CADM2: variants seen among roughly 807,000 people sequenced by gnomAD.
CADM2 encodes the protein cell adhesion molecule 2.
A neutral mutation model predicts 49.8 loss-of-function variants in CADM2; 12 were observed. The ratio of observed to expected loss-of-function variants is 0.24; its 90% CI spans 0.15 to 0.39. The LOEUF (loss-of-function observed/expected upper bound fraction) is 0.39. CADM2 is among the 10% of genes least tolerant of loss of function. The pLI is 1.00. For synonymous variants in CADM2, 214 were observed against 175.4 expected, an observed-to-expected ratio of 1.22 and a Z score of -1.74; for missense variants, 378 against 492.3, an observed-to-expected ratio of 0.77 and a Z score of 2.20.
At chr3:85,108,351 G>A (rs2038325189) in intron 1 of CADM2, among the ~76,000 whole-genome samples, 1 of 152,202 alleles carries the variant, frequency 6.6e-6, no homozygotes, top group Non-Finnish European at 1.5e-5. Flanking sequence ...TGCATATAAT[G>A]TAATGTTAGC....
intron 2 of CADM2, among the ~76,000 whole-genome samples, chr3:85,795,052 C>A (rs188065747): frequency 1.3e-3 from 201 of 152,114 alleles, no homozygotes; most frequent in African/African-American, 4.5e-3. Flanking sequence ...TTCCATCAAG[C>A]TAATTAGCAT....
chr3:85,848,227 A>G (rs1326200101), intron 3 of CADM2, among the ~76,000 whole-genome samples: 1 of 152,142 alleles, frequency 6.6e-6, no homozygotes, highest in African/African-American at 2.4e-5. Context: ...AACTTAAAAA[A>G]TGTATATTTT....
intron 5 of CADM2, among the ~76,000 whole-genome samples, chr3:85,908,078 G>C (rs926972143): frequency 6.6e-6 from 1 of 151,910 alleles, no homozygotes; most frequent in Non-Finnish European, 1.5e-5. Flanking sequence ...CACTTAAGAG[G>C]ATTTTCTTTT....
chr3:85,841,844 A>C (rs1355324491), intron 3 of CADM2, among the ~76,000 whole-genome samples: 1 of 151,994 alleles, frequency 6.6e-6, no homozygotes, highest in East Asian at 1.9e-4. Context: ...TCTGTGACTG[A>C]ATTTCAAATG....
intron 1 of CADM2, among the ~76,000 whole-genome samples, chr3:85,179,244 T>C (rs2040862871): frequency 6.6e-6 from 1 of 152,022 alleles, no homozygotes; most frequent in Non-Finnish European, 1.5e-5. Context: ...GTGAATAAGA[T>C]GATTAATATC....
At chr3:85,347,273 C>T (rs2030780686) in intron 1 of CADM2, among the ~76,000 whole-genome samples, 1 of 122,422 alleles carries the variant, frequency 8.2e-6, no homozygotes, top group Non-Finnish European at 1.7e-5. Context: ...GCAAATTATA[C>T]TTAATAGCAA....
chr3:85,446,991 CATATATATATATATATATATATATATAT>C (rs141177883), intron 1 of CADM2, among the ~76,000 whole-genome samples: 39 of 54,564 alleles, frequency 7.1e-4, no homozygotes, highest in Middle Eastern at 0.015. Flanking sequence ...ATATGTATTG[CATATATATATATATATATATATATATAT>C]ATATATATAT....
intron 1 of CADM2, among the ~76,000 whole-genome samples, chr3:85,721,105 GCA>G (rs1440571444): frequency 6.6e-6 from 1 of 152,118 alleles, no homozygotes; most frequent in African/African-American, 2.4e-5. Context: ...CTTCTCTGAA[GCA>G]CAGTTTTGTT....
intron 8 of CADM2, chr3:85,979,201 C>CT: frequency 6.2e-7 from 1 of 1,610,948 alleles, no homozygotes; most frequent in South Asian, 1.1e-5. Flanking sequence ...CTATCATCCC[C>CT]TCCCTTACCA....
At chr3:85,093,239 G>A (rs1303127173) in intron 1 of CADM2, among the ~76,000 whole-genome samples, 2 of 152,082 alleles carry the variant, frequency 1.3e-5, no homozygotes, top group African/African-American at 2.4e-5. Flanking sequence ...ATATATCCTT[G>A]GCCAAGTGTG....
intron 1 of CADM2, among the ~76,000 whole-genome samples, chr3:85,589,902 T>C (rs1247591941): frequency 3.9e-5 from 6 of 151,946 alleles, no homozygotes; most frequent in African/African-American, 1.4e-4. Flanking sequence ...AATAAACTTA[T>C]TAGATTTAAG....
Position 84,959,573 on chromosome 3 carries a change from C to G in CADM2, c.-35C>G, listed in dbSNP as rs1465382695. ...CCCGCTCACCAGCATCTACTTGCCC[C>G]CTCGTTCCTTCCCCAGCCCTTTAGA... is the stretch of plus-strand genomic sequence containing the variant. On this transcript the variant is annotated 5_prime_UTR_variant, in exon 1 of 10. Transcript: ENST00000383699. The G allele has an allele frequency of 1.3e-6, 2 of 1,533,412 alleles. No homozygotes were observed. The highest frequency in any genetic ancestry group is 2.0e-5 in the Admixed American group (1 of 50,968). The allele number at this position is 1,533,412 out of a possible 1,614,324, so 95.0% of individuals were successfully genotyped here. A position where few individuals can be genotyped will look rare whatever the true frequency, so the allele number is the denominator to read the frequency against.
At chr3:85,684,571 CG>C (rs1657832097) in intron 1 of CADM2, among the ~76,000 whole-genome samples, 1 of 152,048 alleles carries the variant, frequency 6.6e-6, no homozygotes, top group Non-Finnish European at 1.5e-5. Flanking sequence ...AAGACATACC[CG>C]AGACTGGGTA....
intron 1 of CADM2, among the ~76,000 whole-genome samples, chr3:85,492,751 G>A (rs2039727969): frequency 6.6e-6 from 1 of 151,446 alleles, no homozygotes; most frequent in Non-Finnish European, 1.5e-5. Context: ...CTATCATTAT[G>A]CAGTGCTATG....
chr3:85,357,471 T>C (rs1398880491), intron 1 of CADM2, among the ~76,000 whole-genome samples: 1 of 152,122 alleles, frequency 6.6e-6, no homozygotes, highest in Non-Finnish European at 1.5e-5. Context: ...CATTTATTAT[T>C]GAGTACATAT....
intron 1 of CADM2, among the ~76,000 whole-genome samples, chr3:85,062,504 C>T (rs983679076): frequency 2.1e-4 from 32 of 151,828 alleles, no homozygotes; most frequent in Middle Eastern, 3.5e-3. Context: ...ACTTAAAGGA[C>T]AGAGCTAATA....
chr3:85,546,993 GAAAGA>G (rs1314496232), intron 1 of CADM2, among the ~76,000 whole-genome samples: 4 of 151,808 alleles, frequency 2.6e-5, no homozygotes, highest in African/African-American at 7.3e-5. Flanking sequence ...TGGTTAAAAT[GAAAGA>G]AAAGAAATTT....
intron 1 of CADM2, among the ~76,000 whole-genome samples, chr3:85,645,080 TTCTTC>T (rs2064842750): frequency 6.6e-6 from 1 of 152,104 alleles, no homozygotes; most frequent in East Asian, 1.9e-4. Context: ...TATAAGCCCA[TTCTTC>T]TCTTTTCTGA....
chr3:85,226,273 G>A (rs1017791401), intron 1 of CADM2, among the ~76,000 whole-genome samples: 3 of 148,094 alleles, frequency 2.0e-5, no homozygotes, highest in African/African-American at 5.0e-5. Context: ...TGATTGGTAT[G>A]CTGTTAATTA....
Sources: gnomAD v4.1 joint callset for allele counts (sites outside exome capture counted in the v4.1 genomes callset) on GRCh38, gnomAD v4.1.1 for gene constraint, MANE v1.5 for transcripts, NCBI Gene and HGNC (gene_info 2026-07-23, HGNC 2026-07-21) for gene names.